Variants in FOXP1 observed in about 807,000 individuals in gnomAD.
FOXP1 encodes the protein forkhead box protein P1.
A neutral mutation model predicts 98.2 loss-of-function variants in FOXP1; 15 were observed. The ratio of observed to expected loss-of-function variants is 0.15; its 90% CI spans 0.10 to 0.24. The LOEUF (loss-of-function observed/expected upper bound fraction) is 0.24, where lower values mean the gene tolerates loss of function less well. Among genes scored for constraint, FOXP1 ranks in the 10% least tolerant of loss-of-function variants. The pLI, the probability that FOXP1 is intolerant of heterozygous loss-of-function variation, is 1.00. For missense variants in FOXP1, 633 were observed against 848.5 expected (o/e 0.75, Z 3.15); for synonymous variants, 371 against 314.5 (o/e 1.18, Z -1.90).
At chr3:71,019,507 G>A (rs1187625863) in intron 11 of FOXP1, among the ~76,000 whole-genome samples, 4 of 151,980 alleles carry the variant, frequency 2.6e-5, no homozygotes, top group Non-Finnish European at 4.4e-5. Flanking sequence ...TCACTTTTTC[G>A]GCTCCATATA....
intron 6 of FOXP1, among the ~76,000 whole-genome samples, chr3:71,187,575 C>T (rs753548355): frequency 5.9e-5 from 9 of 152,050 alleles, no homozygotes; most frequent in Non-Finnish European, 1.3e-4. Context: ...AAGAGTGAAA[C>T]TCCATCTCAA....
intron 4 of FOXP1, chr3:71,332,817 G>C (rs547684784): frequency 6.6e-6 from 1 of 152,206 alleles, no homozygotes; most frequent in East Asian, 1.9e-4. Flanking sequence ...GCTAAGACTA[G>C]CCTCAAGTCC....
chr3:71,583,660 A>C lies in FOXP1; in HGVS notation c.-536T>G, dbSNP rs1473425848. 2.0e-6 allele frequency: 2 copies of C among 983,832 alleles called. No homozygotes were observed. Among genetic ancestry groups the C allele is most frequent in the African/African-American group, 3.5e-5 (2 of 56,728 alleles). The allele number at this position is 983,832 out of a possible 1,614,324, so 60.9% of individuals were successfully genotyped here. A position where few individuals can be genotyped will look rare whatever the true frequency, so the allele number is the denominator to read the frequency against. Reference sequence around the variant, plus strand: ...TCCCGCCCGCGCGCGCACCCCGCGCACACACTCACTCGCGCACACACGCGC... The same window carrying C: ...TCCCGCCCGCGCGCGCACCCCGCGCCCACACTCACTCGCGCACACACGCGC... On this transcript the variant is annotated 5_prime_UTR_variant, in exon 1 of 21. Transcript: ENST00000649528.
At chr3:71,518,184 G>A (rs913316378) in intron 2 of FOXP1, among the ~76,000 whole-genome samples, 1 of 151,670 alleles carries the variant, frequency 6.6e-6, no homozygotes, top group African/African-American at 2.4e-5. Flanking sequence ...GCATCTCTAA[G>A]AACTCTAAGA....
chr3:71,427,132 C>T (rs1362204862), intron 3 of FOXP1, among the ~76,000 whole-genome samples: 1 of 150,252 alleles, frequency 6.7e-6, no homozygotes, highest in African/African-American at 2.5e-5. Context: ...TTATGTCTCT[C>T]TTGGTTTATT....
chr3:71,214,122 T>C (rs965512730), intron 5 of FOXP1, among the ~76,000 whole-genome samples: 3 of 152,226 alleles, frequency 2.0e-5, no homozygotes, highest in African/African-American at 7.2e-5. Flanking sequence ...ATCTGCCTGC[T>C]TGGTGAGAGG....
chr3:71,091,564 G>C (rs1458093488), intron 7 of FOXP1, among the ~76,000 whole-genome samples: 1 of 152,006 alleles, frequency 6.6e-6, no homozygotes, highest in Non-Finnish European at 1.5e-5. Flanking sequence ...CAAGGTCCCA[G>C]AGATGGTAAA....
chr3:71,481,331 G>A (rs1455785532), intron 3 of FOXP1, among the ~76,000 whole-genome samples: 1 of 152,242 alleles, frequency 6.6e-6, no homozygotes, highest in Non-Finnish European at 1.5e-5. Context: ...AGATTATACT[G>A]TTGGTAGGTG....
chr3:71,509,641 G>C (rs2042056293), intron 2 of FOXP1, among the ~76,000 whole-genome samples: 1 of 152,114 alleles, frequency 6.6e-6, no homozygotes, highest in African/African-American at 2.4e-5. Context: ...TTATGCTCTA[G>C]GAGGCTCAGA....
intron 3 of FOXP1, among the ~76,000 whole-genome samples, chr3:71,394,549 T>A (rs139823488): frequency 5.4e-4 from 82 of 152,308 alleles, no homozygotes; most frequent in African/African-American, 1.8e-3. Context: ...TTTTATAGTT[T>A]TAAAAATAGA....
At chr3:71,205,820 T>C (rs977333009) in intron 5 of FOXP1, among the ~76,000 whole-genome samples, 2 of 152,190 alleles carry the variant, frequency 1.3e-5, no homozygotes, top group Non-Finnish European at 2.9e-5. Context: ...GGATCATCTA[T>C]AGCTATGATG....
chr3:71,089,566 A>AGTTGCAT (rs1431188381), intron 7 of FOXP1, among the ~76,000 whole-genome samples: 3 of 152,200 alleles, frequency 2.0e-5, no homozygotes, highest in Non-Finnish European at 4.4e-5. Flanking sequence ...TCATGAGGGC[A>AGTTGCAT]GTTGCATGTC....
rs773568523 is a variant in FOXP1 at position 71,041,456 on chromosome 3, G to A, written c.741C>T (p.Asn247=). 48 of 1,613,766 alleles carry A rather than the reference G, an allele frequency of 3.0e-5. No homozygotes were observed. Among genetic ancestry groups the A allele is most frequent in the Middle Eastern group, 3.3e-4 (2 of 6,078 alleles). ...SAHTAEETTG[N]NHSSLDLTTT... ...TGGTCAGATCCAAACTGCTGTGATT[G>A]TTGCCTGTGGTTTCTTCTGCAGTAT... Residue 247 remains asparagine (N), a synonymous_variant, in exon 11 of 21, where the codon AAC becomes AAT. Transcript: ENST00000649528.
rs141095497 is a variant in FOXP1 at position 71,535,256 on chromosome 3, T to C, written c.-297-41701A>G. On this transcript the variant is annotated intron_variant, in intron 2 of 20. Transcript: ENST00000649528. ...AACCATAAGCAATTTTCATCTCATA[T>C]GCTAACTTCAGAACCTGACCTTCAG... Among the ~76,000 whole-genome samples, 16 of 152,330 alleles carry C rather than the reference T, an allele frequency of 1.1e-4. No homozygotes were observed. In the East Asian group the frequency reaches 2.7e-3, roughly 26 times the overall value.
Position 71,442,496 on chromosome 3 carries a change from A to C in FOXP1, c.-168+50930T>G, listed in dbSNP as rs145447655. On this transcript the variant is annotated intron_variant, in intron 3 of 20. Transcript: ENST00000649528. ...ACGTCCAGCTGATTTTAGTGAAATT[A>C]TTCATGCAAGTCTCGCGCAGTGAGT... Among the ~76,000 whole-genome samples the C allele has an allele frequency of 5.7e-3, 861 of 152,152 alleles. 11 individuals carry two copies. Among genetic ancestry groups the C allele is most frequent in the African/African-American group, 0.02 (823 of 41,492 alleles).
At chr3:71,053,010 G>A (rs996524493) in intron 8 of FOXP1, among the ~76,000 whole-genome samples, 1 of 152,154 alleles carries the variant, frequency 6.6e-6, no homozygotes, top group African/African-American at 2.4e-5. Flanking sequence ...TGGACAGCCT[G>A]GGAGCTTCCG....
intron 13 of FOXP1, among the ~76,000 whole-genome samples, chr3:70,993,648 AAC>A (rs2040938696): frequency 2.0e-5 from 3 of 152,316 alleles, no homozygotes; most frequent in African/African-American, 7.2e-5. Context: ...CATTACATTA[AAC>A]ACACTCATTA....
chr3:70,956,780 T>A lies in FOXP1; in HGVS notation c.*2467A>T, dbSNP rs2031942741. ...TTTTTTTTTTTTTTTTTTTAAAGTC[T>A]TGCGTGACCACAGACTGCCCTTTAT... On this transcript the variant is annotated 3_prime_UTR_variant, in exon 21 of 21. Coordinates refer to ENST00000649528, the MANE Select transcript of FOXP1 (RefSeq NM_001349338.3). The A allele has an allele frequency of 6.0e-6, 1 of 166,270 alleles. No individual in the cohort carries two copies. The highest frequency in any genetic ancestry group is 2.9e-5 in the African/African-American group (1 of 34,304). 10.3% of individuals were successfully genotyped at this position (166,270 alleles called of 1,614,324 possible).
intron 3 of FOXP1, among the ~76,000 whole-genome samples, chr3:71,491,623 T>TC (rs1390764205): frequency 1.3e-5 from 2 of 152,048 alleles, no homozygotes; most frequent in East Asian, 1.9e-4. Context: ...ATTTTTTTTT[T>TC]CTCTCTCTCT....
Sources: allele counts gnomAD v4.1 joint callset (sites outside exome capture counted in the v4.1 genomes callset), GRCh38; gene constraint gnomAD v4.1.1; transcripts MANE v1.5; gene names NCBI Gene and HGNC (gene_info 2026-07-23, HGNC 2026-07-21).